Variants in LRRC4C observed in about 807,000 individuals in gnomAD.
The protein encoded by LRRC4C is leucine rich repeat containing 4C.
LRRC4C carries 5 observed loss-of-function variants against 33.6 expected under a neutral mutation model. The observed-to-expected ratio is 0.15, with a 90% CI of 0.08 to 0.31. LRRC4C has a LOEUF of 0.31. Among genes scored for constraint, LRRC4C ranks in the 10% least tolerant of loss-of-function variants. The pLI, the probability that LRRC4C is intolerant of heterozygous loss-of-function variation, is 1.00. For synonymous variants in LRRC4C, 329 were observed against 302.0 expected (o/e 1.09, Z -0.93); for missense variants, 560 against 796.7 (o/e 0.70, Z 3.58).
chr11:40,726,195 G>A (rs758923199), intron 2 of LRRC4C, among the ~76,000 whole-genome samples: 4 of 151,562 alleles, frequency 2.6e-5, no homozygotes, highest in Non-Finnish European at 4.4e-5. Flanking sequence ...TGGACCATGT[G>A]GATTCATAGC....
intron 3 of LRRC4C, among the ~76,000 whole-genome samples, chr11:40,497,541 T>C (rs750821316): frequency 2.6e-4 from 40 of 152,090 alleles, no homozygotes; most frequent in Non-Finnish European, 5.7e-4. Context: ...GAAGACCACA[T>C]AATCTAAAAA....
At position 40,250,788 on chromosome 11, in the gene LRRC4C, C is replaced by T. The variant is rs750084581; in HGVS notation, c.-175-9190G>A. ...ATTCTGACCCTTTCAATTATTTTAA[C>T]TTAACAAAAGTCATCTGACATTCCT... On this transcript the variant is annotated intron_variant, in intron 4 of 6. Transcript: ENST00000528697. Among the ~76,000 whole-genome samples, 176 of 151,986 alleles carry T rather than the reference C, an allele frequency of 1.2e-3. 1 individual carries two copies. The highest frequency in any genetic ancestry group is 2.3e-3 in the Non-Finnish European group (158 of 68,006).
At chr11:40,872,008 T>G (rs1344663591) in intron 2 of LRRC4C, among the ~76,000 whole-genome samples, 1 of 152,112 alleles carries the variant, frequency 6.6e-6, no homozygotes, top group Non-Finnish European at 1.5e-5. Context: ...TGGTTTCTAG[T>G]GCCAGAGCAT....
At chr11:40,400,376 TTC>T (rs1949713072) in intron 3 of LRRC4C, among the ~76,000 whole-genome samples, 4 of 152,132 alleles carry the variant, frequency 2.6e-5, no homozygotes, top group Admixed American at 2.6e-4. Context: ...CACCTGTGTG[TTC>T]TCTTTCATCA....
At chr11:40,312,193 G>C (rs1046838067) in intron 4 of LRRC4C, among the ~76,000 whole-genome samples, 8 of 152,058 alleles carry the variant, frequency 5.3e-5, no homozygotes, top group Non-Finnish European at 1.0e-4. Context: ...ACTCTTGCTT[G>C]GTTATACTTT....
At chr11:41,007,280 A>G (rs951057494) in intron 1 of LRRC4C, among the ~76,000 whole-genome samples, 1 of 152,144 alleles carries the variant, frequency 6.6e-6, no homozygotes, top group African/African-American at 2.4e-5. Flanking sequence ...TTTACAGAAA[A>G]GGACATTGAA....
chr11:40,618,190 A>G (rs531229618), intron 3 of LRRC4C, among the ~76,000 whole-genome samples: 1 of 151,816 alleles, frequency 6.6e-6, no homozygotes, highest in South Asian at 2.1e-4. Context: ...GTGAGGTCAT[A>G]TAAGATTAAG....
intron 1 of LRRC4C, among the ~76,000 whole-genome samples, chr11:41,401,695 C>T (rs1835014310): frequency 6.6e-6 from 1 of 151,848 alleles, no homozygotes; most frequent in Non-Finnish European, 1.5e-5. Flanking sequence ...TTTTGGACAG[C>T]TTTTTCTGGA....
chr11:41,130,752 G>T lies in LRRC4C; in HGVS notation c.-495-197029C>A, dbSNP rs1038045645. Among the ~76,000 whole-genome samples, 14 of 151,768 alleles carry T rather than the reference G, an allele frequency of 9.2e-5. 1 individual carries two copies. The highest frequency in any genetic ancestry group is 1.9e-4 in the Non-Finnish European group (13 of 67,858). On this transcript the variant is annotated intron_variant, in intron 1 of 6. Coordinates refer to ENST00000528697, the MANE Select transcript of LRRC4C (RefSeq NM_001258419.2). ...CAGCTGCATCAATCACATATTTTTT[G>T]CAATATTAGAGTAAGTTCTTAGAAA...
At chr11:40,990,903 G>T (rs1035410047) in intron 1 of LRRC4C, among the ~76,000 whole-genome samples, 1 of 151,900 alleles carries the variant, frequency 6.6e-6, no homozygotes, top group Non-Finnish European at 1.5e-5. Context: ...ATACAAGGAA[G>T]TACAAAGATT....
chr11:41,123,236 C>T (rs1942536159), intron 1 of LRRC4C, among the ~76,000 whole-genome samples: 1 of 137,096 alleles, frequency 7.3e-6, no homozygotes, highest in Non-Finnish European at 1.5e-5. Flanking sequence ...TTTATAAATG[C>T]TTTCTCTATC....
intron 2 of LRRC4C, among the ~76,000 whole-genome samples, chr11:40,851,383 G>A (rs1294789677): frequency 2.0e-5 from 3 of 152,084 alleles, no homozygotes; most frequent in Non-Finnish European, 4.4e-5. Flanking sequence ...CCCTTAGCTA[G>A]GGGAGGGAGT....
chr11:41,193,177 C>A (rs1410803782), intron 1 of LRRC4C, among the ~76,000 whole-genome samples: 1 of 152,040 alleles, frequency 6.6e-6, no homozygotes, highest in Non-Finnish European at 1.5e-5. Context: ...ATGATGAGAA[C>A]ACTTTTTCTG....
intron 3 of LRRC4C, among the ~76,000 whole-genome samples, chr11:40,422,203 T>A (rs899124917): frequency 6.6e-6 from 1 of 152,142 alleles, no homozygotes; most frequent in Admixed American, 6.5e-5. Context: ...GTAATAACCA[T>A]CACAAGAAAT....
intron 1 of LRRC4C, among the ~76,000 whole-genome samples, chr11:40,964,512 C>A (rs893313184): frequency 3.7e-5 from 5 of 133,626 alleles, no homozygotes; most frequent in African/African-American, 1.1e-4. Flanking sequence ...TAATGCTATC[C>A]CTTCCCCCTC....
At chr11:41,298,013 T>C (rs1008790621) in intron 1 of LRRC4C, among the ~76,000 whole-genome samples, 1 of 152,124 alleles carries the variant, frequency 6.6e-6, no homozygotes, top group Non-Finnish European at 1.5e-5. Flanking sequence ...CAGCTGCAAA[T>C]AAGATAAAAT....
chr11:40,402,044 T>C (rs189250799), intron 3 of LRRC4C, among the ~76,000 whole-genome samples: 22 of 152,158 alleles, frequency 1.4e-4, no homozygotes, highest in African/African-American at 5.1e-4. Context: ...AATTAAACAA[T>C]AGGTGCGAGA....
chr11:40,552,039 T>C (rs1957145179), intron 3 of LRRC4C, among the ~76,000 whole-genome samples: 1 of 152,240 alleles, frequency 6.6e-6, no homozygotes, highest in African/African-American at 2.4e-5. Flanking sequence ...AGTAATTCTA[T>C]CAGCAGACTG....
intron 1 of LRRC4C, among the ~76,000 whole-genome samples, chr11:41,065,851 C>A (rs956058621): frequency 2.6e-5 from 4 of 152,072 alleles, no homozygotes; most frequent in African/African-American, 9.7e-5. Flanking sequence ...AACACAGAGA[C>A]GCAGAAATAA....
Sources: allele counts gnomAD v4.1 joint callset (sites outside exome capture counted in the v4.1 genomes callset), GRCh38; gene constraint gnomAD v4.1.1; transcripts MANE v1.5; gene names NCBI Gene and HGNC (gene_info 2026-07-23, HGNC 2026-07-21).